The following MMP15 variants were observed in gnomAD, a reference collection of about 807,000 sequenced individuals.
MMP15 encodes the protein matrix metalloproteinase-15.
Under a neutral mutation model 65.0 loss-of-function variants are expected in MMP15, and 36 were observed. That is an observed-to-expected ratio of 0.55 (90% CI 0.42 to 0.73). MMP15 has a LOEUF of 0.73. MMP15 is among the 30% of genes least tolerant of loss of function. MMP15 has a pLI of 0.00. For synonymous variants in MMP15, 428 were observed against 410.2 expected (o/e 1.04, Z -0.52); for missense variants, 870 against 987.8 (o/e 0.88, Z 1.60).
Position 58,045,699 on chromosome 16 carries a change from T to G in MMP15, c.*253T>G. 1 of 498,482 alleles carries G rather than the reference T, an allele frequency of 2.0e-6. No individual in the cohort carries two copies. Among genetic ancestry groups the G allele is most frequent in the Non-Finnish European group, 3.5e-6 (1 of 284,156 alleles). 30.9% of individuals were successfully genotyped at this position (498,482 alleles called of 1,614,324 possible). A position where few individuals can be genotyped will look rare whatever the true frequency, so the allele number is the denominator to read the frequency against. On this transcript the variant is annotated 3_prime_UTR_variant, in exon 10 of 10. Coordinates refer to ENST00000219271, the MANE Select transcript of MMP15 (RefSeq NM_002428.4). ...ATGTAGTTCTGCTCCAGACAGGGAATTAGGCCCCCATCATCCTCTGGCTTG... is the reference window on the plus strand; with the variant it reads ...ATGTAGTTCTGCTCCAGACAGGGAAGTAGGCCCCCATCATCCTCTGGCTTG...
intron 5 of MMP15, 76 bp downstream of exon 5, chr16:58,040,774 A>G (rs773395296): frequency 6.3e-7 from 1 of 1,597,012 alleles, no homozygotes. Context: ...CATTGCTGCC[A>G]TCCCCATTTT....
At position 58,041,851 on chromosome 16, in the gene MMP15, G is replaced by A; in HGVS notation, c.1145G>A (p.Gly382Glu). 1 of 1,598,820 alleles carries A rather than the reference G, an allele frequency of 6.3e-7. No homozygotes were observed. Among genetic ancestry groups the A allele is most frequent in the Non-Finnish European group, 8.5e-7 (1 of 1,173,766 alleles). Residue 382 changes from glycine to glutamate, a missense_variant, in exon 6 of 10, where the codon GGG (glycine) becomes GAG (glutamate). Gly to Glu is a moderately conservative substitution (Grantham distance 98). Transcript: ENST00000219271. ...TTTGACACAGTGGCCATGCTTCGCG[G>A]GGAGATGTTCGTGTTCAAGGTCTGG... ...GDFDTVAMLR[G>E]EMFVFKGRWF... is the part of the protein sequence containing the mutation.
chr16:58,039,002 T>C (rs1959393686), intron 3 of MMP15, among the ~76,000 whole-genome samples: 1 of 152,200 alleles, frequency 6.6e-6, no homozygotes, highest in African/African-American at 2.4e-5. Flanking sequence ...CAGAGCTGAA[T>C]CTGATTTATA....
At chr16:58,043,477 T>A in intron 8 of MMP15, 35 bp from the exon 9 acceptor site, 1 of 1,609,202 alleles carries the variant, frequency 6.2e-7, no homozygotes, top group Non-Finnish European at 8.5e-7. Context: ...CCAAGCAGGA[T>A]CTCTAGGTCC....
chr16:58,042,495 T>A, intron 7 of MMP15, 126 bp downstream of exon 7: 1 of 1,336,052 alleles, frequency 7.5e-7, no homozygotes, highest in Non-Finnish European at 1.0e-6. Context: ...CACTGTGGGC[T>A]CACTCTGGGA....
chr16:58,037,364 C>T, intron 1 of MMP15, 108 bp from the exon 2 acceptor site: 1 of 1,423,422 alleles, frequency 7.0e-7, no homozygotes, highest in Non-Finnish European at 9.6e-7. Flanking sequence ...GATGACGGCT[C>T]AGATAGAGCA....
rs1963813770 is a variant in MMP15 at position 58,026,339 on chromosome 16, G to A, written c.-12G>A. 4 of 1,338,982 alleles carry A rather than the reference G, an allele frequency of 3.0e-6. No individual in the cohort carries two copies. Among genetic ancestry groups the A allele is most frequent in the Non-Finnish European group, 3.8e-6 (4 of 1,049,770 alleles). The allele number at this position is 1,338,982 out of a possible 1,614,324, so 82.9% of individuals were successfully genotyped here. A position where few individuals can be genotyped will look rare whatever the true frequency, so the allele number is the denominator to read the frequency against. On this transcript the variant is annotated 5_prime_UTR_variant, in exon 1 of 10. Coordinates refer to ENST00000219271, the MANE Select transcript of MMP15 (RefSeq NM_002428.4). ...GCGTGCAGTGTTCCGAGCTGGGCTG[G>A]GCGCCGAGAGCATGGGCAGCGACCC... is the stretch of plus-strand genomic sequence containing the variant.
At chr16:58,031,573 T>C (rs1963889711) in intron 1 of MMP15, among the ~76,000 whole-genome samples, 1 of 152,038 alleles carries the variant, frequency 6.6e-6, no homozygotes, top group Admixed American at 6.6e-5. Flanking sequence ...GGGAACCCGG[T>C]TGTTTTTTCC....
intron 1 of MMP15, 29 bp downstream of exon 1, chr16:58,026,541 CG>C (rs1963817995): frequency 7.7e-7 from 1 of 1,302,366 alleles, no homozygotes; most frequent in African/African-American, 1.5e-5. Context: ...CCTTTGGCTG[CG>C]GGCTGGGGGC....
rs1267373226 is a variant in MMP15, at chr16:58,038,880, C to T, written c.440+486C>T. 3.9e-5 allele frequency among the ~76,000 whole-genome samples: 6 copies of T among 152,344 alleles called. No homozygotes were observed. The South Asian group carries it at 6.2e-4, about 16-fold the overall frequency. ...AGTCTGGCTCTGTCCTGACTCCAAG[C>T]TCCATCTCCCAAGGAAGAGTGGTTC... On this transcript the variant is annotated intron_variant, in intron 3 of 9. Transcript: ENST00000219271.
Position 58,026,329 on chromosome 16 carries a change from A to T in MMP15, c.-22A>T. 1 of 1,329,712 alleles carries T rather than the reference A, an allele frequency of 7.5e-7. No homozygotes were observed. Among genetic ancestry groups the T allele is most frequent in the Non-Finnish European group, 9.6e-7 (1 of 1,043,846 alleles). 82.4% of individuals were successfully genotyped at this position (1,329,712 alleles called of 1,614,324 possible). Reference sequence around the variant, plus strand: ...CGAGGATCCGGCGTGCAGTGTTCCGAGCTGGGCTGGGCGCCGAGAGCATGG... The same window carrying T: ...CGAGGATCCGGCGTGCAGTGTTCCGTGCTGGGCTGGGCGCCGAGAGCATGG... On this transcript the variant is annotated 5_prime_UTR_variant, in exon 1 of 10. Coordinates refer to ENST00000219271, the MANE Select transcript of MMP15 (RefSeq NM_002428.4).
At chr16:58,040,325 C>A in intron 4 of MMP15, 143 bp downstream of exon 4, 1 of 1,040,602 alleles carries the variant, frequency 9.6e-7, no homozygotes, top group Non-Finnish European at 1.4e-6. Flanking sequence ...CACTCAATTT[C>A]AGTCTGTTGT....
At chr16:58,040,243 C>T (rs534504167) in intron 4 of MMP15, 61 bp downstream of exon 4, 1 of 1,532,664 alleles carries the variant, frequency 6.5e-7, no homozygotes, top group Non-Finnish European at 8.8e-7. Context: ...GGCAACAACA[C>T]CCTGCTGAGT....
intron 1 of MMP15, among the ~76,000 whole-genome samples, chr16:58,027,656 C>T (rs990133132): frequency 1.3e-5 from 2 of 152,098 alleles, no homozygotes. Context: ...GAGATTTTTC[C>T]GATGGAAGCT....
intron 1 of MMP15, among the ~76,000 whole-genome samples, chr16:58,027,176 T>A (rs939445501): frequency 6.6e-6 from 1 of 152,168 alleles, no homozygotes; most frequent in Non-Finnish European, 1.5e-5. Flanking sequence ...CCCACAGCGC[T>A]TCCTCCCAAC....
rs993496319 is a variant in MMP15 at position 58,045,690 on chromosome 16, G to C, written c.*244G>C. The C allele has an allele frequency of 3.8e-6, 2 of 520,828 alleles. No homozygotes were observed. The highest frequency in any genetic ancestry group is 4.0e-5 in the African/African-American group (2 of 50,438). 32.3% of individuals were successfully genotyped at this position (520,828 alleles called of 1,614,324 possible). ...ATTTTCTAAATGTAGTTCTGCTCCA[G>C]ACAGGGAATTAGGCCCCCATCATCC... is the stretch of plus-strand genomic sequence containing the variant. On this transcript the variant is annotated 3_prime_UTR_variant, in exon 10 of 10. Transcript: ENST00000219271.
chr16:58,042,825 C>A (rs1329760024), intron 7 of MMP15, among the ~76,000 whole-genome samples: 1 of 152,222 alleles, frequency 6.6e-6, no homozygotes, highest in Non-Finnish European at 1.5e-5. Context: ...AGGGCTGGCA[C>A]CAAACTAAAA....
intron 5 of MMP15, 194 bp downstream of exon 5, chr16:58,040,892 C>T: frequency 2.5e-6 from 2 of 796,088 alleles, no homozygotes; most frequent in South Asian, 1.6e-5. Flanking sequence ...CCTCCAGGGC[C>T]TGGGCCTCAC....
intron 6 of MMP15, 103 bp from the exon 7 acceptor site, chr16:58,042,128 C>A (rs967931380): frequency 2.8e-6 from 4 of 1,432,590 alleles, no homozygotes; most frequent in Non-Finnish European, 3.8e-6. Flanking sequence ...CAGTGTCCTC[C>A]CCTTGGGCCC....
Sources: allele counts gnomAD v4.1 joint callset (sites outside exome capture counted in the v4.1 genomes callset), GRCh38; gene constraint gnomAD v4.1.1; transcripts MANE v1.5; gene names NCBI Gene and HGNC (gene_info 2026-07-23, HGNC 2026-07-21).